The following NBEA variants were observed in gnomAD, a reference collection of about 807,000 sequenced individuals.
NBEA encodes the protein lysosomal-trafficking regulator 2.
In NBEA, 44 loss-of-function variants were observed where a neutral mutation model predicts 343.4. The observed-to-expected ratio is 0.13, with a 90% CI of 0.10 to 0.16. The LOEUF is 0.16. NBEA is among the 10% of genes least tolerant of loss of function. The probability of loss-of-function intolerance (pLI) is 1.00; values close to 1 mark genes in which losing one functional copy is unlikely to be tolerated. For missense variants in NBEA, 2,555 were observed against 3,631.3 expected (o/e 0.70, Z 7.62); for synonymous variants, 1,175 against 1,238.7 (o/e 0.95, Z 1.08).
chr13:35,044,170 T>C (rs1052572588), intron 2 of NBEA, among the ~76,000 whole-genome samples: 1 of 152,166 alleles, frequency 6.6e-6, no homozygotes, highest in African/African-American at 2.4e-5. Context: ...CCACTATTAA[T>C]GTGTTTAAAT....
At chr13:35,086,695 G>A (rs752521635) in intron 10 of NBEA, among the ~76,000 whole-genome samples, 3 of 151,824 alleles carry the variant, frequency 2.0e-5, no homozygotes, top group African/African-American at 4.8e-5. Flanking sequence ...TTGCTGGGTC[G>A]AATGGTAGTT....
At chr13:35,115,435 C>T (rs1343804282) in intron 13 of NBEA, among the ~76,000 whole-genome samples, 1 of 151,966 alleles carries the variant, frequency 6.6e-6, no homozygotes, top group Non-Finnish European at 1.5e-5. Context: ...GTGTTCACAC[C>T]TCTTTTCTAC....
intron 34 of NBEA, among the ~76,000 whole-genome samples, chr13:35,237,167 G>A (rs1236743047): frequency 6.6e-6 from 1 of 152,070 alleles, no homozygotes. Flanking sequence ...TGAGGTGGGA[G>A]GATTGCTTGA....
At chr13:35,414,375 C>G (rs1035369615) in intron 38 of NBEA, among the ~76,000 whole-genome samples, 2 of 151,078 alleles carry the variant, frequency 1.3e-5, no homozygotes, top group Non-Finnish European at 3.0e-5. Flanking sequence ...TGCTATCCCT[C>G]CTCCCTCCCC....
At chr13:35,331,340 TC>T (rs2038915343) in intron 36 of NBEA, among the ~76,000 whole-genome samples, 1 of 152,010 alleles carries the variant, frequency 6.6e-6, no homozygotes, top group Non-Finnish European at 1.5e-5. Flanking sequence ...ATGCACTCTT[TC>T]CCCTAGTTTG....
intron 41 of NBEA, among the ~76,000 whole-genome samples, chr13:35,508,552 G>A (rs1297582455): frequency 2.0e-5 from 3 of 152,196 alleles, no homozygotes; most frequent in Admixed American, 2.0e-4. Flanking sequence ...CAGGAGTAAA[G>A]TGGATAACAT....
intron 34 of NBEA, among the ~76,000 whole-genome samples, chr13:35,261,215 T>C (rs1453639327): frequency 6.6e-6 from 1 of 152,126 alleles, no homozygotes; most frequent in Non-Finnish European, 1.5e-5. Context: ...TGTTTAAATA[T>C]TTAAAGTAAA....
chr13:35,158,279 A>G (rs903354662), intron 21 of NBEA, among the ~76,000 whole-genome samples: 17 of 152,248 alleles, frequency 1.1e-4, no homozygotes, highest in African/African-American at 2.9e-4. Context: ...ATATACATTA[A>G]TAGAACCCAT....
At chr13:35,447,823 T>C (rs746726103) in intron 39 of NBEA, among the ~76,000 whole-genome samples, 6 of 152,192 alleles carry the variant, frequency 3.9e-5, no homozygotes, top group Non-Finnish European at 5.9e-5. Flanking sequence ...CTTCTGAAGA[T>C]AGATGATCTC....
At chr13:35,496,721 T>A (rs2076696054) in intron 41 of NBEA, among the ~76,000 whole-genome samples, 1 of 151,648 alleles carries the variant, frequency 6.6e-6, no homozygotes, top group Non-Finnish European at 1.5e-5. Flanking sequence ...CAAGGATAAG[T>A]TTAATTCCTG....
intron 31 of NBEA, among the ~76,000 whole-genome samples, chr13:35,196,569 A>G (rs137919365): frequency 9.7e-4 from 147 of 152,234 alleles, no homozygotes; most frequent in African/African-American, 3.3e-3. Context: ...TTATCAAAGG[A>G]CTACAGTACA....
intron 38 of NBEA, among the ~76,000 whole-genome samples, chr13:35,405,298 A>G (rs1299296435): frequency 6.6e-6 from 1 of 152,194 alleles, no homozygotes; most frequent in African/African-American, 2.4e-5. Context: ...GAATACTCAG[A>G]GAAGCTGTCA....
intron 13 of NBEA, among the ~76,000 whole-genome samples, chr13:35,112,802 T>C (rs1179573227): frequency 6.6e-6 from 1 of 152,100 alleles, no homozygotes; most frequent in African/African-American, 2.4e-5. Flanking sequence ...TTTTTTCTGA[T>C]TCGATTGGTA....
At chr13:34,985,767 G>A (rs1415279038) in intron 1 of NBEA, among the ~76,000 whole-genome samples, 1 of 150,764 alleles carries the variant, frequency 6.6e-6, no homozygotes, top group Non-Finnish European at 1.5e-5. Flanking sequence ...AGTCTTGGGA[G>A]GGTGTATTGT....
At chr13:35,655,516 T>TA in intron 54 of NBEA, 63 bp from the exon 55 acceptor site, 1 of 1,463,788 alleles carries the variant, frequency 6.8e-7, no homozygotes, top group Non-Finnish European at 9.2e-7. Context: ...CTGATAAAGT[T>TA]ACACTTATTA....
chr13:35,468,278 C>A (rs528327204), intron 40 of NBEA, among the ~76,000 whole-genome samples: 60 of 152,294 alleles, frequency 3.9e-4, no homozygotes, highest in South Asian at 1.2e-3. Flanking sequence ...TGGACATAAA[C>A]AACCTCACAG....
intron 18 of NBEA, among the ~76,000 whole-genome samples, chr13:35,146,201 A>G (rs769982017): frequency 6.6e-6 from 1 of 152,150 alleles, no homozygotes; most frequent in African/African-American, 2.4e-5. Flanking sequence ...AGTGACTCCA[A>G]CTGTGGCCAG....
Position 35,123,589 on chromosome 13 carries a change from G to T in NBEA, c.2336+15G>T. 1 of 1,404,388 alleles carries T rather than the reference G, an allele frequency of 7.1e-7. No individual in the cohort carries two copies. The highest frequency in any genetic ancestry group is 9.6e-7 in the Non-Finnish European group (1 of 1,044,656). The allele number at this position is 1,404,388 out of a possible 1,614,324, so 87.0% of individuals were successfully genotyped here. ...TTAGGTCACAAGTAAGTTGATATTT[G>T]TCATAATGCATTCTAGAAATAACTA... is the stretch of plus-strand genomic sequence containing the variant. On this transcript the variant is annotated intron_variant, in intron 17 of 58. Transcript: ENST00000379939.
chr13:35,196,445 T>C, intron 31 of NBEA, 143 bp downstream of exon 31: 1 of 775,968 alleles, frequency 1.3e-6, no homozygotes, highest in East Asian at 2.7e-5. Context: ...TGGCTCAACC[T>C]AATCTTATAA....
Sources: allele counts gnomAD v4.1 joint callset (sites outside exome capture counted in the v4.1 genomes callset), GRCh38; gene constraint gnomAD v4.1.1; transcripts MANE v1.5; gene names NCBI Gene and HGNC (gene_info 2026-07-23, HGNC 2026-07-21).